The following CHRM3 variants were observed in gnomAD, a reference collection of about 807,000 sequenced individuals.
The protein encoded by CHRM3 is cholinergic receptor muscarinic 3, also known as muscarinic acetylcholine receptor M3.
A neutral mutation model predicts 41.8 loss-of-function variants in CHRM3; 11 were observed. The ratio of observed to expected loss-of-function variants is 0.26; its 90% confidence interval spans 0.17 to 0.44. The LOEUF (loss-of-function observed/expected upper bound fraction) is 0.44. Ranked by LOEUF, CHRM3 falls within the 20% of genes least tolerant of loss-of-function variation. CHRM3 has a pLI of 1.00. For synonymous variants in CHRM3, 297 were observed against 301.4 expected, an observed-to-expected ratio of 0.99 and a Z score of 0.15; for missense variants, 571 against 745.4, an observed-to-expected ratio of 0.77 and a Z score of 2.72.
intron 2 of CHRM3, among the ~76,000 whole-genome samples, chr1:239,525,411 T>A (rs1027810512): frequency 3.3e-5 from 5 of 152,070 alleles, no homozygotes; most frequent in African/African-American, 9.7e-5. Context: ...CTGATTTGAC[T>A]ATCAGTTATT....
In CHRM3 at chr1:239,479,485, G is replaced by T. The variant is rs1446524137; in HGVS notation, c.-520-13224G>T. Among the ~76,000 whole-genome samples, 3 of 152,160 alleles carry T rather than the reference G, an allele frequency of 2.0e-5. No individual in the cohort carries two copies. The East Asian group carries it at 5.8e-4, about 29-fold the overall frequency. ...TGGAACCACATTTTCAAAGTGCTGA[G>T]AAATAATACATGGGAAAAGTATTTT... On this transcript the variant is annotated intron_variant, in intron 1 of 6. Transcript: ENST00000676153.
intron 6 of CHRM3, among the ~76,000 whole-genome samples, chr1:239,905,483 A>T (rs1429305759): frequency 6.6e-6 from 1 of 152,208 alleles, no homozygotes; most frequent in Non-Finnish European, 1.5e-5. Context: ...AGATGAGCAG[A>T]TAACTAGATG....
At chr1:239,692,759 C>T (rs1044225061) in intron 5 of CHRM3, among the ~76,000 whole-genome samples, 1 of 152,156 alleles carries the variant, frequency 6.6e-6, no homozygotes, top group Non-Finnish European at 1.5e-5. Flanking sequence ...AAACAGACAG[C>T]AACCACCAAT....
At chr1:239,843,719 C>A (rs1674028110) in intron 6 of CHRM3, among the ~76,000 whole-genome samples, 1 of 152,008 alleles carries the variant, frequency 6.6e-6, no homozygotes, top group Non-Finnish European at 1.5e-5. Flanking sequence ...GTTCTTCCCC[C>A]CAGAAAGAGG....
chr1:239,712,286 AT>A (rs1302910552), intron 5 of CHRM3, among the ~76,000 whole-genome samples: 1 of 152,178 alleles, frequency 6.6e-6, no homozygotes, highest in Non-Finnish European at 1.5e-5. Context: ...TGTGATTGGA[AT>A]GACTTCGTTG....
intron 6 of CHRM3, among the ~76,000 whole-genome samples, chr1:239,864,194 C>T (rs149989313): frequency 6.6e-6 from 1 of 151,960 alleles, no homozygotes; most frequent in Non-Finnish European, 1.5e-5. Context: ...CCTGCCCCCC[C>T]ACCAAAAAAA....
chr1:239,837,557 T>C (rs1673429416), intron 6 of CHRM3, among the ~76,000 whole-genome samples: 1 of 152,192 alleles, frequency 6.6e-6, no homozygotes, highest in South Asian at 2.1e-4. Context: ...CAATATGTTA[T>C]ATATGTTTTA....
At chr1:239,672,075 A>C (rs757877378) in intron 4 of CHRM3, among the ~76,000 whole-genome samples, 7 of 152,200 alleles carry the variant, frequency 4.6e-5, no homozygotes, top group Non-Finnish European at 1.0e-4. Context: ...TGCACAAGAC[A>C]GGGATCCATT....
chr1:239,847,278 A>G (rs1018238480), intron 6 of CHRM3, among the ~76,000 whole-genome samples: 2 of 152,184 alleles, frequency 1.3e-5, no homozygotes, highest in South Asian at 4.1e-4. Context: ...CTACGTGGTT[A>G]CGTGCACAGC....
At chr1:239,399,992 A>G (rs1165215911) in intron 1 of CHRM3, among the ~76,000 whole-genome samples, 2 of 152,016 alleles carry the variant, frequency 1.3e-5, no homozygotes, top group African/African-American at 4.8e-5. Context: ...GGCTCACTGC[A>G]ACCTCGGTCT....
intron 3 of CHRM3, among the ~76,000 whole-genome samples, chr1:239,593,823 A>T (rs1269524424): frequency 6.6e-6 from 1 of 152,196 alleles, no homozygotes; most frequent in African/African-American, 2.4e-5. Context: ...CTCAAAATCA[A>T]TTGCCATTAA....
intron 5 of CHRM3, among the ~76,000 whole-genome samples, chr1:239,766,652 A>G (rs1299753252): frequency 6.7e-6 from 1 of 149,104 alleles, no homozygotes; most frequent in Non-Finnish European, 1.5e-5. Context: ...ATAGATATAG[A>G]TGATAGATAT....
At chr1:239,395,402 G>A (rs1558188184) in intron 1 of CHRM3, among the ~76,000 whole-genome samples, 1 of 152,012 alleles carries the variant, frequency 6.6e-6, no homozygotes, top group Non-Finnish European at 1.5e-5. Flanking sequence ...TCTATGAATA[G>A]CATGACCATC....
At chr1:239,690,030 G>GACAGAGAGAGAGAGAC (rs1254907283) in intron 5 of CHRM3, among the ~76,000 whole-genome samples, 1 of 144,702 alleles carries the variant, frequency 6.9e-6, no homozygotes, top group Admixed American at 7.1e-5. Flanking sequence ...GAGAGAGAGA[G>GACAGAGAGAGAGAGAC]ACAGAGAGAG....
rs184368481 is a variant in CHRM3 at position 239,643,436 on chromosome 1, C to A, written c.-250+11150C>A. Among the ~76,000 whole-genome samples, 352 of 152,238 alleles carry A rather than the reference C, an allele frequency of 2.3e-3. 6 individuals carry two copies. Among genetic ancestry groups the A allele is most frequent in the Non-Finnish European group, 2.1e-4 (14 of 68,018 alleles). ...TGGGCTCCACCCAGTTCGAGCTTCC[C>A]AGCTGCTTTGTTTACCTAAGCAAGC... is the stretch of plus-strand genomic sequence containing the variant. On this transcript the variant is annotated intron_variant, in intron 4 of 6. Coordinates refer to ENST00000676153, the MANE Select transcript of CHRM3 (RefSeq NM_001375978.1).
At chr1:239,641,151 C>A (rs1406977305) in intron 4 of CHRM3, among the ~76,000 whole-genome samples, 1 of 152,112 alleles carries the variant, frequency 6.6e-6, no homozygotes, top group Admixed American at 6.5e-5. Flanking sequence ...AATTTCTGTT[C>A]TTTTACATTT....
At chr1:239,517,848 G>A (rs1376785108) in intron 2 of CHRM3, among the ~76,000 whole-genome samples, 3 of 152,118 alleles carry the variant, frequency 2.0e-5, no homozygotes, top group Non-Finnish European at 4.4e-5. Flanking sequence ...GATAAAGACA[G>A]TTTCTTCCCA....
In CHRM3 at chr1:239,913,281, T is replaced by G. The variant is rs916556209; in HGVS notation, c.*4057T>G. 5.4e-5 allele frequency: 9 copies of G among 167,084 alleles called. No homozygotes were observed. Among genetic ancestry groups the G allele is most frequent in the African/African-American group, 2.2e-4 (9 of 41,444 alleles). The allele number at this position is 167,084 out of a possible 1,614,324, so 10.4% of individuals were successfully genotyped here. On this transcript the variant is annotated 3_prime_UTR_variant, in exon 7 of 7. Transcript: ENST00000676153. Reference sequence around the variant, plus strand: ...ATAGAGTTTCTAGGTAGCAGGTGTTTGCTTTGGTTTTGCAATAGCATTTCT... The same window carrying G: ...ATAGAGTTTCTAGGTAGCAGGTGTTGGCTTTGGTTTTGCAATAGCATTTCT...
At chr1:239,594,096 A>T (rs1369428777) in intron 3 of CHRM3, among the ~76,000 whole-genome samples, 1 of 152,096 alleles carries the variant, frequency 6.6e-6, no homozygotes, top group African/African-American at 2.4e-5. Context: ...GGTAGAAATT[A>T]TTTCTGTATT....
Sources: gnomAD v4.1 joint callset for allele counts (sites outside exome capture counted in the v4.1 genomes callset) on GRCh38, gnomAD v4.1.1 for gene constraint, MANE v1.5 for transcripts, NCBI Gene and HGNC (gene_info 2026-07-23, HGNC 2026-07-21) for gene names.